Variants in SEL1L observed in about 807,000 individuals in gnomAD.
The protein encoded by SEL1L is protein sel-1 homolog 1.
Under a neutral mutation model 109.8 loss-of-function variants are expected in SEL1L, and 52 were observed. The observed-to-expected ratio is 0.47, with a 90% confidence interval of 0.38 to 0.60. The LOEUF (loss-of-function observed/expected upper bound fraction) is 0.60, where lower values mean the gene tolerates loss of function less well. Ranked by LOEUF, SEL1L falls within the 20% of genes least tolerant of loss-of-function variation. The probability of loss-of-function intolerance (pLI) is 0.00; values close to 1 mark genes in which losing one functional copy is unlikely to be tolerated. For missense variants in SEL1L, 749 were observed against 962.2 expected (o/e 0.78, Z 2.93); for synonymous variants, 373 against 339.6 (o/e 1.10, Z -1.08).
intron 10 of SEL1L, 92 bp downstream of exon 10, chr14:81,497,800 G>C: frequency 8.6e-7 from 1 of 1,159,012 alleles, no homozygotes; most frequent in Non-Finnish European, 1.2e-6. Flanking sequence ...CAATGAAAAT[G>C]TAACTTACAG....
Position 81,487,476 on chromosome 14 carries a change from C to T in SEL1L, c.1546G>A (p.Gly516Arg). Residue 516 changes from glycine to arginine, a missense_variant, in exon 16 of 21, where the codon GGA becomes AGA. Coordinates refer to ENST00000336735, the MANE Select transcript of SEL1L (RefSeq NM_005065.6). Reference protein sequence around the residue: ...ALKYFNLASQGGHILAFYNLA... With the variant: ...ALKYFNLASQRGHILAFYNLA... ...TTATAGAAAGCCAAGATATGGCCTC[C>T]CTGAGAAGCTAAATTAAAATACTTC... 6.2e-7 allele frequency: 1 copy of T among 1,609,334 alleles called. No individual in the cohort carries two copies. The highest frequency in any genetic ancestry group is 8.5e-7 in the Non-Finnish European group (1 of 1,179,036).
chr14:81,498,606 T>C (rs1168826641), intron 8 of SEL1L, 112 bp from the exon 9 acceptor site: 5 of 728,088 alleles, frequency 6.9e-6, no homozygotes, highest in Admixed American at 5.0e-5. Context: ...TTGATCCAAG[T>C]ACACTAACAC....
chr14:81,485,247 C>T (rs1903481533), intron 18 of SEL1L, among the ~76,000 whole-genome samples: 1 of 152,092 alleles, frequency 6.6e-6, no homozygotes, highest in South Asian at 2.1e-4. Flanking sequence ...AATATGCAAA[C>T]AAATTAAGTC....
chr14:81,481,429 A>G (rs1903352422), intron 19 of SEL1L, among the ~76,000 whole-genome samples: 1 of 152,222 alleles, frequency 6.6e-6, no homozygotes, highest in African/African-American at 2.4e-5. Flanking sequence ...AAATAATGCT[A>G]ACAGTATGGT....
At chr14:81,500,048 T>C (rs1161019695) in intron 6 of SEL1L, among the ~76,000 whole-genome samples, 1 of 151,606 alleles carries the variant, frequency 6.6e-6, no homozygotes. Flanking sequence ...TGGGACTATG[T>C]AGAGGCGTAT....
intron 19 of SEL1L, among the ~76,000 whole-genome samples, chr14:81,480,216 A>T (rs1903305578): frequency 1.3e-5 from 2 of 151,794 alleles, no homozygotes; most frequent in Admixed American, 1.3e-4. Flanking sequence ...TTTGAGACAG[A>T]GTCTTGCTGT....
intron 3 of SEL1L, among the ~76,000 whole-genome samples, chr14:81,509,980 G>A (rs576731508): frequency 5.3e-5 from 8 of 152,324 alleles, no homozygotes; most frequent in African/African-American, 1.4e-4. Context: ...AACGAAAACC[G>A]GGGCATCGTC....
At chr14:81,500,116 A>G (rs1401194192) in intron 6 of SEL1L, among the ~76,000 whole-genome samples, 1 of 151,986 alleles carries the variant, frequency 6.6e-6, no homozygotes, top group African/African-American at 2.4e-5. Context: ...TCACCATGTC[A>G]GCCAGGCTGG....
rs542559850 is a variant in SEL1L, at chr14:81,483,127, A to G, written c.2046+1098T>C. Among the ~76,000 whole-genome samples, 528 of 152,366 alleles carry G rather than the reference A, an allele frequency of 3.5e-3. 2 individuals carry two copies. Among genetic ancestry groups the G allele is most frequent in the Non-Finnish European group, 6.2e-3 (421 of 68,030 alleles). The stretch of plus-strand genomic sequence containing the variant: ...GCATCTAACTCTTAAGGTAGTTTGA[A>G]GAATTAAGTGACCATGCTATAGTGA... On this transcript the variant is annotated intron_variant, in intron 19 of 20. Transcript: ENST00000336735.
chr14:81,494,941 G>C, intron 11 of SEL1L, 140 bp downstream of exon 11: 1 of 713,130 alleles, frequency 1.4e-6, no homozygotes, highest in Non-Finnish European at 2.4e-6. Flanking sequence ...CTTAGGGGTT[G>C]GTTACATCTT....
At chr14:81,526,669 A>G (rs966069265) in intron 3 of SEL1L, 64 bp downstream of exon 3, 3 of 1,223,460 alleles carry the variant, frequency 2.5e-6, no homozygotes, top group African/African-American at 3.0e-5. Flanking sequence ...CTCTTTATTC[A>G]TTAGCTTAAA....
At chr14:81,479,966 A>T (rs1157303256) in intron 19 of SEL1L, among the ~76,000 whole-genome samples, 1 of 152,134 alleles carries the variant, frequency 6.6e-6, no homozygotes, top group Admixed American at 6.6e-5. Flanking sequence ...CCAACATAAC[A>T]TCTAATTTGC....
chr14:81,477,303 A>ATGTGTGTGTGTGTGTGTGTGTGTGTGTG (rs10690579), intron 20 of SEL1L, 122 bp from the exon 21 acceptor site: 1 of 510,188 alleles, frequency 2.0e-6, no homozygotes. Context: ...ACGTTTTGCA[A>ATGTGTGTGTGTGTGTGTGTGTGTGTGTG]TGTGTGTGTG....
chr14:81,485,906 G>C (rs1226433572), intron 17 of SEL1L, among the ~76,000 whole-genome samples, 160 bp from the exon 18 acceptor site: 2 of 152,202 alleles, frequency 1.3e-5, no homozygotes, highest in East Asian at 3.8e-4. Flanking sequence ...AACTAAAATA[G>C]TGAGTTCAAA....
Position 81,477,124 on chromosome 14 carries a change from G to T in SEL1L, c.2233C>A (p.Leu745Ile), listed in dbSNP as rs1370143289. 3.1e-6 allele frequency: 5 copies of T among 1,614,068 alleles called. No individual in the cohort carries two copies. Among genetic ancestry groups the T allele is most frequent in the Non-Finnish European group, 4.2e-6 (5 of 1,180,060 alleles). The change falls in exon 21 of 21, where the codon CTT becomes ATT. Residue 745 changes from leucine to isoleucine, a missense_variant. Physicochemically the swap from Leu to Ile is conservative, Grantham distance 5. Coordinates refer to ENST00000336735, the MANE Select transcript of SEL1L (RefSeq NM_005065.6). Reference protein sequence around the residue: ...MDQLLGPEWDLYLMTIIALLL... With the variant: ...MDQLLGPEWDIYLMTIIALLL... ...AGCGCAATGATGGTCATGAGGTAAA[G>T]GTCCCACTCAGGTCCCAAAAGCTGG...
intron 8 of SEL1L, chr14:81,498,995 T>C (rs1359105082): frequency 2.0e-6 from 1 of 495,666 alleles, no homozygotes; most frequent in Non-Finnish European, 2.6e-6. Flanking sequence ...AGTAGAGCTC[T>C]CTGGAGTCAT....
chr14:81,500,427 G>A (rs1459629983), intron 6 of SEL1L, among the ~76,000 whole-genome samples: 3 of 150,990 alleles, frequency 2.0e-5, no homozygotes, highest in Non-Finnish European at 3.0e-5. Context: ...TAGTAGAGAC[G>A]GGGTTTCACC....
At chr14:81,489,089 G>C (rs991865688) in intron 14 of SEL1L, 163 bp downstream of exon 14, 2 of 680,430 alleles carry the variant, frequency 2.9e-6, no homozygotes, top group African/African-American at 3.6e-5. Context: ...GTGTCTGTCG[G>C]GTATGGGGTG....
At chr14:81,495,230 G>C (rs1333722793) in intron 10 of SEL1L, 93 bp from the exon 11 acceptor site, 2 of 1,151,878 alleles carry the variant, frequency 1.7e-6, no homozygotes, top group African/African-American at 3.0e-5. Context: ...TCGTAAAATG[G>C]CTTCTGTTCA....
Sources: allele counts gnomAD v4.1 joint callset (sites outside exome capture counted in the v4.1 genomes callset), GRCh38; gene constraint gnomAD v4.1.1; transcripts MANE v1.5; gene names NCBI Gene and HGNC (gene_info 2026-07-23, HGNC 2026-07-21).